CDK4: variants seen among roughly 807,000 people sequenced by gnomAD.
The protein encoded by CDK4 is cyclin-dependent kinase 4.
A neutral mutation model predicts 36.7 loss-of-function variants in CDK4; 13 were observed. The observed-to-expected ratio is 0.35, with a 90% confidence interval of 0.23 to 0.56. The LOEUF (loss-of-function observed/expected upper bound fraction) is 0.56, where lower values mean the gene tolerates loss of function less well. Among genes scored for constraint, CDK4 ranks in the 20% least tolerant of loss-of-function variants. CDK4 has a pLI of 0.85. For synonymous variants in CDK4, 158 were observed against 146.4 expected (o/e 1.08, Z -0.57); for missense variants, 285 against 387.3 (o/e 0.74, Z 2.22).
Position 57,751,377 on chromosome 12 carries a change from T to A in CDK4, c.219-35A>T, listed in dbSNP as rs1381741974. The A allele has an allele frequency of 6.2e-7, 1 of 1,613,962 alleles. No individual in the cohort carries two copies. The highest frequency in any genetic ancestry group is 8.5e-7 in the Non-Finnish European group (1 of 1,179,982). ...GTAAATGCTCACTTTTCAATCCCCT[T>A]TAACCCAACATGGCCTCTCATTATT... On this transcript the variant is annotated intron_variant, in intron 2 of 7. Coordinates refer to ENST00000257904, the MANE Select transcript of CDK4 (RefSeq NM_000075.4). This position sits in a 1 kb window ranked among gnomAD's most constrained non-coding sequence, Gnocchi z 4.5.
In CDK4 at chr12:57,749,326, G is replaced by GA. The variant is rs757684130; in HGVS notation, c.684-10dup. The GA allele has an allele frequency of 8.1e-6, 13 of 1,614,078 alleles. No homozygotes were observed. Among genetic ancestry groups the GA allele is most frequent in the East Asian group, 6.7e-5 (3 of 44,896 alleles). Reference sequence around the variant, plus strand: ...GAGGCAGCCCAATCAGGCTGTGGGGGACAGGAGAACTCTGGTCAGGAGGGT... The same window carrying GA: ...GAGGCAGCCCAATCAGGCTGTGGGGGAACAGGAGAACTCTGGTCAGGAGGGT... On this transcript the variant is annotated splice_polypyrimidine_tract_variant and intron_variant, in intron 6 of 7. Transcript: ENST00000257904.
In CDK4 at chr12:57,747,786, A is replaced by T. The variant is rs1955175922; in HGVS notation, c.*739T>A. On this transcript the variant is annotated 3_prime_UTR_variant, in exon 8 of 8. Coordinates refer to ENST00000257904, the MANE Select transcript of CDK4 (RefSeq NM_000075.4). ...GACACAGAGTCTTGCTCTGTTGCCC[A>T]GGCTGGAGTGCAATGGCATGATCTC... The T allele has an allele frequency of 6.1e-6, 1 of 164,230 alleles. No individual in the cohort carries two copies. Among genetic ancestry groups the T allele is most frequent in the South Asian group, 1.9e-4 (1 of 5,204 alleles). 10.2% of individuals were successfully genotyped at this position (164,230 alleles called of 1,614,324 possible). A position where few individuals can be genotyped will look rare whatever the true frequency, so the allele number is the denominator to read the frequency against.
rs553784608 is a variant in CDK4, at chr12:57,749,397, T to C, written c.683+57A>G. 1.2e-5 allele frequency: 20 copies of C among 1,613,066 alleles called. No homozygotes were observed. The East Asian group carries it at 4.0e-4, about 32-fold the overall frequency. The stretch of plus-strand genomic sequence containing the variant: ...GGGCAGAGCCAGTTGCCATCCTGGG[T>C]TCAGCAGAAAGAGGACTCAGAATAG... On this transcript the variant is annotated intron_variant, in intron 6 of 7. Transcript: ENST00000257904.
chr12:57,749,603 A>G lies in CDK4; in HGVS notation c.633-99T>C, dbSNP rs193231432. 9.5e-3 allele frequency: 11,193 copies of G among 1,177,316 alleles called. 79 individuals are homozygous for G. Among genetic ancestry groups the G allele is most frequent in the Non-Finnish European group, 0.013 (10,116 of 795,874 alleles). The allele number at this position is 1,177,316 out of a possible 1,614,324, so 72.9% of individuals were successfully genotyped here. A position where few individuals can be genotyped will look rare whatever the true frequency, so the allele number is the denominator to read the frequency against. On this transcript the variant is annotated intron_variant, in intron 5 of 7. Coordinates refer to ENST00000257904, the MANE Select transcript of CDK4 (RefSeq NM_000075.4). ...TCAAAATAGGAAGTATAGGGAATAAAGGCCAACAATTCCAGCACTTTGGGA... is the reference window on the plus strand; with the variant it reads ...TCAAAATAGGAAGTATAGGGAATAAGGGCCAACAATTCCAGCACTTTGGGA...
chr12:57,751,372 C>T lies in CDK4; in HGVS notation c.219-30G>A. The T allele has an allele frequency of 6.2e-7, 1 of 1,614,002 alleles. No individual in the cohort carries two copies. On this transcript the variant is annotated intron_variant, in intron 2 of 7. Transcript: ENST00000257904. The surrounding 1 kb of genome is among the most constrained non-coding windows in gnomAD (Gnocchi z 4.5). ...CCAGAGTAAATGCTCACTTTTCAAT[C>T]CCCTTTAACCCAACATGGCCTCTCA...
At position 57,749,321 on chromosome 12, in the gene CDK4, T is replaced by A. The variant is rs370609910; in HGVS notation, c.684-4A>T. 1.5e-4 allele frequency: 241 copies of A among 1,614,026 alleles called. No homozygotes were observed. Among genetic ancestry groups the A allele is most frequent in the Non-Finnish European group, 2.0e-4 (237 of 1,180,016 alleles). On this transcript the variant is annotated splice_region_variant and splice_polypyrimidine_tract_variant and intron_variant, in intron 6 of 7. Coordinates refer to ENST00000257904, the MANE Select transcript of CDK4 (RefSeq NM_000075.4). ...CTCTGGAGGCAGCCCAATCAGGCTG[T>A]GGGGGACAGGAGAACTCTGGTCAGG...
rs370609910 is a variant in CDK4 at position 57,749,321 on chromosome 12, T to G, written c.684-4A>C. On this transcript the variant is annotated splice_region_variant and splice_polypyrimidine_tract_variant and intron_variant, in intron 6 of 7. Coordinates refer to ENST00000257904, the MANE Select transcript of CDK4 (RefSeq NM_000075.4). ...CTCTGGAGGCAGCCCAATCAGGCTG[T>G]GGGGGACAGGAGAACTCTGGTCAGG... 1.9e-6 allele frequency: 3 copies of G among 1,614,144 alleles called. No homozygotes were observed. In the South Asian group the frequency reaches 3.3e-5, roughly 18 times the overall value.
In CDK4 at chr12:57,750,780, A is replaced by C; in HGVS notation, c.523-15T>G. ...AGTGTAACAACCTAAAGGGAATAGG[A>C]AGAATGGATGGGGACCCCATGGGTT... On this transcript the variant is annotated splice_polypyrimidine_tract_variant and intron_variant, in intron 4 of 7. Coordinates refer to ENST00000257904, the MANE Select transcript of CDK4 (RefSeq NM_000075.4). The C allele has an allele frequency of 6.2e-7, 1 of 1,608,630 alleles. No homozygotes were observed. The highest frequency in any genetic ancestry group is 8.5e-7 in the Non-Finnish European group (1 of 1,174,994).
At chr12:57,749,374 G>T (rs929586073) in intron 6 of CDK4, 57 bp from the exon 7 acceptor site, 4 of 1,613,458 alleles carry the variant, frequency 2.5e-6, no homozygotes, top group Non-Finnish European at 3.4e-6. Flanking sequence ...ATCCCCATGG[G>T]CAGAGCCAGT....
Position 57,748,301 on chromosome 12 carries a change from G to C in CDK4, c.*224C>G, listed in dbSNP as rs1367654009. On this transcript the variant is annotated 3_prime_UTR_variant, in exon 8 of 8. Transcript: ENST00000257904. ...GACCCCAAATATAAAGGTAGGGAAA[G>C]GGACAAGAGGGAACATACCCCTTAG... 1.9e-6 allele frequency: 1 copy of C among 516,708 alleles called. No individual in the cohort carries two copies. The highest frequency in any genetic ancestry group is 3.5e-6 in the Non-Finnish European group (1 of 284,400). The allele number at this position is 516,708 out of a possible 1,614,324, so 32.0% of individuals were successfully genotyped here.
At chr12:57,749,696 C>CT (rs200172577) in intron 5 of CDK4, 192 bp from the exon 6 acceptor site, 53 of 638,958 alleles carry the variant, frequency 8.3e-5, no homozygotes, top group East Asian at 1.9e-4. Flanking sequence ...GACCTTGTCT[C>CT]TTTTTTTAAA....
At chr12:57,748,984 G>A (rs1404504491) in intron 7 of CDK4, 198 bp downstream of exon 7, 3 of 702,202 alleles carry the variant, frequency 4.3e-6, no homozygotes, top group Non-Finnish European at 7.3e-6. Flanking sequence ...GGGATTACAG[G>A]CGTGAGCCAC....
chr12:57,749,951 C>T lies in CDK4; in HGVS notation c.633-447G>A, dbSNP rs995836619. On this transcript the variant is annotated intron_variant, in intron 5 of 7. Transcript: ENST00000257904. ...GGTGGAGGTTGCAGTGAGCAGAGAT[C>T]GCACTACTGCACTCCAGCCTGGCGA... 17 of 224,022 alleles carry T rather than the reference C, an allele frequency of 7.6e-5. No homozygotes were observed. The East Asian group carries it at 8.1e-4, about 11-fold the overall frequency. 13.9% of individuals were successfully genotyped at this position (224,022 alleles called of 1,614,324 possible).
chr12:57,751,854 C>G lies in CDK4; in HGVS notation c.-19-118G>C. The G allele has an allele frequency of 1.4e-6, 1 of 731,580 alleles. No homozygotes were observed. The highest frequency in any genetic ancestry group is 3.1e-4 in the Middle Eastern group (1 of 3,240). The allele number at this position is 731,580 out of a possible 1,614,324, so 45.3% of individuals were successfully genotyped here. ...AAAGAACACCACCAGCATCCCATCC[C>G]CCGCTCCCAGTCTTCCTTGGGGCCG... On this transcript the variant is annotated intron_variant, in intron 1 of 7. Coordinates refer to ENST00000257904, the MANE Select transcript of CDK4 (RefSeq NM_000075.4). The surrounding 1 kb of genome is among the most constrained non-coding windows in gnomAD (Gnocchi z 4.5).
chr12:57,748,885 T>C lies in CDK4; in HGVS notation c.820-268A>G, dbSNP rs1205544679. 3 of 542,364 alleles carry C rather than the reference T, an allele frequency of 5.5e-6. No homozygotes were observed. The East Asian group carries it at 9.7e-5, about 18-fold the overall frequency. 33.6% of individuals were successfully genotyped at this position (542,364 alleles called of 1,614,324 possible). A position where few individuals can be genotyped will look rare whatever the true frequency, so the allele number is the denominator to read the frequency against. ...CACCCCCGGCTTATTTTTGTACTTT[T>C]AGTAGAGACGAGGTTTCACCATGTT... On this transcript the variant is annotated intron_variant, in intron 7 of 7. Transcript: ENST00000257904.
Position 57,751,183 on chromosome 12 carries a change from TCAATGCCTACCAACCCC to T in CDK4, c.354+7_354+23del. 6.2e-7 allele frequency: 1 copy of T among 1,614,130 alleles called. No homozygotes were observed. Among genetic ancestry groups the T allele is most frequent in the Non-Finnish European group, 8.5e-7 (1 of 1,180,006 alleles). ...TACTACAAAGGTCCCAATCCACCTC[TCAATGCCTACCAACCCC>T]ACTCACCTTGATCGTTTCGGCTGGC... is the stretch of plus-strand genomic sequence containing the variant. On this transcript the variant is annotated splice_region_variant and intron_variant, in intron 3 of 7. Transcript: ENST00000257904. This position sits in a 1 kb window ranked among gnomAD's most constrained non-coding sequence, Gnocchi z 4.5.
intron 5 of CDK4, 61 bp downstream of exon 5, chr12:57,750,595 G>T: frequency 8.8e-7 from 1 of 1,142,128 alleles, no homozygotes; most frequent in Non-Finnish European, 1.3e-6. Flanking sequence ...AGGTATGGAT[G>T]TGGTTTATGA....
chr12:57,751,815 C>CAA lies in CDK4; in HGVS notation c.-19-81_-19-80dup. 9.8e-7 allele frequency: 1 copy of CAA among 1,021,880 alleles called. No homozygotes were observed. Among genetic ancestry groups the CAA allele is most frequent in the Non-Finnish European group, 1.5e-6 (1 of 682,026 alleles). The allele number at this position is 1,021,880 out of a possible 1,614,324, so 63.3% of individuals were successfully genotyped here. On this transcript the variant is annotated intron_variant, in intron 1 of 7. Transcript: ENST00000257904. The surrounding 1 kb of genome is among the most constrained non-coding windows in gnomAD (Gnocchi z 4.5). ...GAGCCTGCAGCAACAAAGGGACTCC[C>CAA]AAAAAAAAAGCGCAAAGAACACCAC...
chr12:57,751,572 A>G lies in CDK4; in HGVS notation c.146T>C (p.Leu49Pro), dbSNP rs768477694. 1.2e-6 allele frequency: 2 copies of G among 1,614,176 alleles called. No individual in the cohort carries two copies. Among genetic ancestry groups the G allele is most frequent in the Non-Finnish European group, 1.7e-6 (2 of 1,180,016 alleles). The change falls in exon 2 of 8, where the codon CTT becomes CCT. Residue 49 changes from leucine (L) to proline (P), a missense_variant. By Grantham distance (98) the Leu-to-Pro change is moderately conservative. Transcript: ENST00000257904. This position sits in a 1 kb window ranked among gnomAD's most constrained non-coding sequence, Gnocchi z 4.5. ...VPNGGGGGGGLPISTVREVAL... is the reference protein window; with the variant it reads ...VPNGGGGGGGPPISTVREVAL... ...CACCTCACGAACTGTGCTGATGGGA[A>G]GGCCTCCTCCACCTCCTCCTCCATT...
Sources: allele counts gnomAD v4.1 joint callset, GRCh38; gene constraint gnomAD v4.1.1; non-coding constraint Gnocchi (gnomAD v3.1); transcripts MANE v1.5; gene names NCBI Gene and HGNC (gene_info 2026-07-23, HGNC 2026-07-21).